Variants in TSNARE1 observed in about 807,000 individuals in gnomAD.
The protein encoded by TSNARE1 is t-SNARE domain containing 1.
TSNARE1 carries 49 observed loss-of-function variants against 62.0 expected under a neutral mutation model. The observed-to-expected ratio is 0.79, with a 90% CI of 0.63 to 1.00. The LOEUF is 1.00. Ranked by LOEUF, TSNARE1 falls within the 50% of genes least tolerant of loss-of-function variation. The pLI, the probability that TSNARE1 is intolerant of heterozygous loss-of-function variation, is 0.00. For synonymous variants in TSNARE1, 328 were observed against 294.4 expected (o/e 1.11, Z -1.17); for missense variants, 755 against 700.1 (o/e 1.08, Z -0.88).
intron 1 of TSNARE1, among the ~76,000 whole-genome samples, chr8:142,398,269 CCCCTAGCCCTGCCCAAAACATGT>C (rs1838041490): frequency 2.0e-5 from 3 of 150,912 alleles, no homozygotes; most frequent in South Asian, 2.1e-4. Flanking sequence ...CCAAAACACA[CCCCTAGCCCTGCCCAAAACATGT>C]CCCCAGCCCT....
upstream of TSNARE1, chr8:142,406,675 T>C (rs997760728): frequency 6.6e-6 from 1 of 152,282 alleles, no homozygotes; most frequent in Non-Finnish European, 1.5e-5. Flanking sequence ...TCTCTAGGCT[T>C]GTTCACCAAA....
At chr8:142,405,397 G>A (rs1838571055), upstream of TSNARE1, 2 of 152,184 alleles carry the variant, frequency 1.3e-5, no homozygotes, top group South Asian at 4.1e-4. Context: ...GACCAACAGG[G>A]TGAATAAGTG....
intron 8 of TSNARE1, 79 bp from the exon 9 acceptor site, chr8:142,314,519 G>T: frequency 7.7e-7 from 1 of 1,302,554 alleles, no homozygotes; most frequent in Non-Finnish European, 1.1e-6. Flanking sequence ...TCAGCTGAGT[G>T]CAGGGCTCTG....
intron 4 of TSNARE1, among the ~76,000 whole-genome samples, chr8:142,343,395 G>A (rs572491172): frequency 5.3e-4 from 80 of 151,790 alleles, no homozygotes; most frequent in Non-Finnish European, 8.8e-4. Flanking sequence ...ATGAGCACGC[G>A]TGGCCATGGG....
At chr8:142,359,042 G>A (rs1834960393) in intron 1 of TSNARE1, among the ~76,000 whole-genome samples, 1 of 151,992 alleles carries the variant, frequency 6.6e-6, no homozygotes, top group African/African-American at 2.4e-5. Flanking sequence ...TGCTCACTGG[G>A]GGTTCTGCCT....
intron 6 of TSNARE1, among the ~76,000 whole-genome samples, chr8:142,323,136 T>C (rs1829733285): frequency 6.6e-6 from 1 of 152,378 alleles, no homozygotes; most frequent in Non-Finnish European, 1.5e-5. Context: ...AGCCTAGCCA[T>C]GTCTGTGGGC....
intron 13 of TSNARE1, among the ~76,000 whole-genome samples, chr8:142,219,831 G>A (rs887920959): frequency 2.6e-5 from 4 of 152,194 alleles, no homozygotes; most frequent in African/African-American, 4.8e-5. Context: ...CCTTCACCCC[G>A]AAGGCCCGCT....
intron 11 of TSNARE1, among the ~76,000 whole-genome samples, chr8:142,279,294 C>G (rs1228984108): frequency 1.3e-5 from 2 of 152,242 alleles, no homozygotes; most frequent in Non-Finnish European, 2.9e-5. Context: ...CAGGCCGGGA[C>G]CCGGGGCCAA....
intron 12 of TSNARE1, among the ~76,000 whole-genome samples, chr8:142,245,410 C>T (rs1047924635): frequency 2.0e-5 from 3 of 152,220 alleles, no homozygotes; most frequent in Admixed American, 6.5e-5. Context: ...ACTGCAAACA[C>T]TCTACGCATC....
chr8:142,316,930 T>C (rs78590056), intron 7 of TSNARE1, among the ~76,000 whole-genome samples: 1,628 of 152,010 alleles, frequency 0.011, 44 homozygotes, highest in African/African-American at 0.037. Flanking sequence ...CGCTGCTGGC[T>C]CTGCAGCAGG....
intron 1 of TSNARE1, among the ~76,000 whole-genome samples, chr8:142,393,833 C>G (rs1001043092): frequency 6.6e-6 from 1 of 152,220 alleles, no homozygotes; most frequent in Non-Finnish European, 1.5e-5. Flanking sequence ...GGTGTGGCAT[C>G]CCTCGTGCTG....
At chr8:142,393,676 C>T (rs1324420866) in intron 1 of TSNARE1, among the ~76,000 whole-genome samples, 1 of 152,252 alleles carries the variant, frequency 6.6e-6, no homozygotes, top group Non-Finnish European at 1.5e-5. Context: ...ACTCCACCAC[C>T]TCCTGGAGCA....
chr8:142,290,215 G>T (rs551554649), intron 10 of TSNARE1, among the ~76,000 whole-genome samples: 2 of 152,164 alleles, frequency 1.3e-5, no homozygotes, highest in East Asian at 3.9e-4. Context: ...CCTGAGAAGG[G>T]TGGGGCCTGC....
intron 12 of TSNARE1, among the ~76,000 whole-genome samples, chr8:142,248,570 C>G (rs991931359): frequency 6.6e-6 from 1 of 152,206 alleles, no homozygotes; most frequent in African/African-American, 2.4e-5. Flanking sequence ...GTGGGGCCGG[C>G]TCTGGGCAGA....
intron 12 of TSNARE1, among the ~76,000 whole-genome samples, chr8:142,260,071 G>C (rs1818780751): frequency 6.6e-6 from 1 of 151,720 alleles, no homozygotes; most frequent in Non-Finnish European, 1.5e-5. Context: ...GCACAGTTAA[G>C]TGTCTCTTCC....
At chr8:142,220,882 C>T (rs961153220) in intron 13 of TSNARE1, among the ~76,000 whole-genome samples, 1 of 152,192 alleles carries the variant, frequency 6.6e-6, no homozygotes, top group African/African-American at 2.4e-5. Flanking sequence ...CCTGGCAGTA[C>T]CACAGAAGAT....
At chr8:142,300,458 T>C (rs1195652735) in intron 10 of TSNARE1, 28 bp downstream of exon 10, 1 of 1,581,272 alleles carries the variant, frequency 6.3e-7, no homozygotes. Flanking sequence ...GTGTGGAGAG[T>C]GAGCACGCTT....
intron 10 of TSNARE1, among the ~76,000 whole-genome samples, chr8:142,292,755 T>C (rs1247854514): frequency 2.0e-5 from 3 of 152,114 alleles, no homozygotes; most frequent in Admixed American, 6.5e-5. Context: ...GCATTGAGCA[T>C]GGAGCCCTAC....
At chr8:142,300,675 T>C (rs1325842391) in intron 9 of TSNARE1, 31 bp from the exon 10 acceptor site, 4 of 1,590,826 alleles carry the variant, frequency 2.5e-6, no homozygotes, top group South Asian at 1.1e-5. Flanking sequence ...TTGTTAGCAC[T>C]GACCCCTCCC....
Sources: allele counts gnomAD v4.1 joint callset (sites outside exome capture counted in the v4.1 genomes callset), GRCh38; gene constraint gnomAD v4.1.1; transcripts MANE v1.5; gene names NCBI Gene and HGNC (gene_info 2026-07-23, HGNC 2026-07-21).